ALK: variants seen among roughly 807,000 people sequenced by gnomAD.
The protein encoded by ALK is ALK receptor tyrosine kinase, also known as ALK tyrosine kinase receptor.
ALK carries 74 observed loss-of-function variants against 163.1 expected under a neutral mutation model. The observed-to-expected ratio is 0.45, with a 90% confidence interval of 0.38 to 0.55. The LOEUF (loss-of-function observed/expected upper bound fraction) is 0.55, where lower values mean the gene tolerates loss of function less well. ALK is among the 20% of genes least tolerant of loss of function. The pLI is 0.00. For synonymous variants in ALK, 960 were observed against 843.2 expected (o/e 1.14, Z -2.40); for missense variants, 2,063 against 2,105.3 (o/e 0.98, Z 0.39).
At chr2:29,288,491 G>C (rs188205229) in intron 9 of ALK, among the ~76,000 whole-genome samples, 1 of 152,320 alleles carries the variant, frequency 6.6e-6, no homozygotes, top group Admixed American at 6.5e-5. Context: ...CTTCACGGCT[G>C]ACAGGGTCTT....
intron 4 of ALK, among the ~76,000 whole-genome samples, chr2:29,490,262 G>A (rs1671870651): frequency 6.6e-6 from 1 of 152,268 alleles, no homozygotes; most frequent in Admixed American, 6.5e-5. Context: ...CTTGGGCGGA[G>A]GAGGGGCTAA....
chr2:29,687,505 T>C (rs1356040965), intron 3 of ALK, among the ~76,000 whole-genome samples: 1 of 151,992 alleles, frequency 6.6e-6, no homozygotes, highest in Non-Finnish European at 1.5e-5. Flanking sequence ...TAGAATAGTC[T>C]CGAATGATAA....
At chr2:29,817,222 G>C (rs1481411333) in intron 1 of ALK, among the ~76,000 whole-genome samples, 1 of 152,058 alleles carries the variant, frequency 6.6e-6, no homozygotes, top group African/African-American at 2.4e-5. Context: ...GGTGGGGTGT[G>C]GGGGATGGGT....
intron 3 of ALK, among the ~76,000 whole-genome samples, chr2:29,543,068 T>C (rs930925111): frequency 3.9e-5 from 6 of 152,148 alleles, no homozygotes; most frequent in African/African-American, 1.4e-4. Context: ...AGAAAAAGCA[T>C]ATAAATTTAT....
chr2:29,464,960 G>A (rs771898240), intron 4 of ALK, among the ~76,000 whole-genome samples: 1 of 152,222 alleles, frequency 6.6e-6, no homozygotes, highest in Non-Finnish European at 1.5e-5. Flanking sequence ...CAGTGACAAT[G>A]TCAGTCGAAT....
chr2:29,258,411 A>T (rs1326237937), intron 11 of ALK, among the ~76,000 whole-genome samples: 1 of 152,206 alleles, frequency 6.6e-6, no homozygotes, highest in East Asian at 1.9e-4. Context: ...TATTCTACTT[A>T]TTTACCTCTT....
At chr2:29,879,120 C>T (rs926609513) in intron 1 of ALK, among the ~76,000 whole-genome samples, 1 of 152,106 alleles carries the variant, frequency 6.6e-6, no homozygotes, top group Non-Finnish European at 1.5e-5. Context: ...CCCACCCCTG[C>T]GTGGTACTAA....
At chr2:29,630,355 T>C (rs1283870581) in intron 3 of ALK, among the ~76,000 whole-genome samples, 1 of 152,182 alleles carries the variant, frequency 6.6e-6, no homozygotes, top group African/African-American at 2.4e-5. Flanking sequence ...AGAGACATCA[T>C]AGATAAGAAA....
At chr2:29,376,608 C>T (rs1198676673) in intron 5 of ALK, among the ~76,000 whole-genome samples, 2 of 152,220 alleles carry the variant, frequency 1.3e-5, no homozygotes, top group African/African-American at 4.8e-5. Flanking sequence ...CTGCTACATA[C>T]AGAGTTTGCT....
Position 29,874,845 on chromosome 2 carries a change from C to T in ALK, c.667+45148G>A, listed in dbSNP as rs555167440. Among the ~76,000 whole-genome samples the T allele has an allele frequency of 2.6e-5, 4 of 152,312 alleles. No homozygotes were observed. In the South Asian group the frequency reaches 6.2e-4, roughly 24 times the overall value. On this transcript the variant is annotated intron_variant, in intron 1 of 28. Transcript: ENST00000389048. ...GATACGTCTTTATTCCTAGTGCCCA[C>T]CTTCCCCCTGCTCATCAAGTGAACT...
At chr2:29,498,133 A>T (rs555494300) in intron 4 of ALK, among the ~76,000 whole-genome samples, 75 of 152,306 alleles carry the variant, frequency 4.9e-4, no homozygotes, top group Non-Finnish European at 9.7e-4. Context: ...CTCAGTATTT[A>T]TTCTATGCTC....
chr2:29,514,538 G>T (rs527283306), intron 4 of ALK, among the ~76,000 whole-genome samples: 1 of 152,276 alleles, frequency 6.6e-6, no homozygotes, highest in Admixed American at 6.5e-5. Context: ...AGTTTGGAAA[G>T]ATGGTCCACA....
chr2:29,684,933 A>T (rs1486932697), intron 3 of ALK, among the ~76,000 whole-genome samples: 1 of 152,234 alleles, frequency 6.6e-6, no homozygotes, highest in Non-Finnish European at 1.5e-5. Flanking sequence ...TATTTAATGA[A>T]TGCCTATTTT....
At chr2:29,783,480 G>C (rs970748200) in intron 1 of ALK, among the ~76,000 whole-genome samples, 3 of 152,116 alleles carry the variant, frequency 2.0e-5, no homozygotes, top group Admixed American at 2.0e-4. Context: ...TTATTATTGA[G>C]AAATCAGACA....
chr2:29,648,394 G>T (rs879772925), intron 3 of ALK, among the ~76,000 whole-genome samples: 32 of 151,916 alleles, frequency 2.1e-4, no homozygotes, highest in African/African-American at 7.2e-4. Flanking sequence ...ATATAGTTTG[G>T]TGGTATTAAG....
At chr2:29,459,766 T>G (rs1466769281) in intron 4 of ALK, among the ~76,000 whole-genome samples, 1 of 151,966 alleles carries the variant, frequency 6.6e-6, no homozygotes, top group Non-Finnish European at 1.5e-5. Context: ...ACAGCTGAGG[T>G]CCCCAACAAT....
At chr2:29,342,859 G>A (rs996974156) in intron 5 of ALK, among the ~76,000 whole-genome samples, 4 of 151,212 alleles carry the variant, frequency 2.6e-5, no homozygotes, top group South Asian at 2.1e-4. Flanking sequence ...AACCCGACAC[G>A]GCTGTGTGCT....
chr2:29,829,533 T>A (rs937511027), intron 1 of ALK, among the ~76,000 whole-genome samples: 1 of 152,184 alleles, frequency 6.6e-6, no homozygotes, highest in East Asian at 1.9e-4. Context: ...CCAAGCAAGT[T>A]TGTGTATACT....
intron 4 of ALK, among the ~76,000 whole-genome samples, chr2:29,485,545 G>C (rs887412566): frequency 6.6e-6 from 1 of 152,130 alleles, no homozygotes; most frequent in African/African-American, 2.4e-5. Context: ...ATTCAGACTG[G>C]TATAAAAATT....
Sources: allele counts gnomAD v4.1 joint callset (sites outside exome capture counted in the v4.1 genomes callset), GRCh38; gene constraint gnomAD v4.1.1; transcripts MANE v1.5; gene names NCBI Gene and HGNC (gene_info 2026-07-23, HGNC 2026-07-21).